AP2B1: variants seen among roughly 807,000 people sequenced by gnomAD.
The protein encoded by AP2B1 is adaptor related protein complex 2 subunit beta 1, also known as AP-2 complex subunit beta.
In AP2B1, 23 loss-of-function variants were observed where a neutral mutation model predicts 102.0. The ratio of observed to expected loss-of-function variants is 0.23; its 90% CI spans 0.16 to 0.32. The LOEUF (loss-of-function observed/expected upper bound fraction) is 0.32. Among genes scored for constraint, AP2B1 ranks in the 10% least tolerant of loss-of-function variants. The probability of loss-of-function intolerance (pLI) is 1.00; values close to 1 mark genes in which losing one functional copy is unlikely to be tolerated. For missense variants in AP2B1, 541 were observed against 1,157.4 expected, an observed-to-expected ratio of 0.47 and a Z score of 7.73; for synonymous variants, 381 against 421.2, an observed-to-expected ratio of 0.90 and a Z score of 1.17.
At position 35,723,636 on chromosome 17, in the gene AP2B1, G is replaced by A; in HGVS notation, c.2793G>A (p.Lys931=). Residue 931 remains lysine, a synonymous_variant, in exon 22 of 22, where the codon AAG becomes AAA. Coordinates refer to ENST00000610402, the MANE Select transcript of AP2B1 (RefSeq NM_001030006.2). ...PGNPNYTLSL[K]CRAPEVSQYI... is the part of the protein sequence containing the mutation. ...TTTTCTCCTAACAGCTGTCACTGAAGTGTAGAGCTCCTGAAGTCTCTCAAT... is the reference window on the plus strand; with the variant it reads ...TTTTCTCCTAACAGCTGTCACTGAAATGTAGAGCTCCTGAAGTCTCTCAAT... The A allele has an allele frequency of 1.9e-6, 3 of 1,611,758 alleles. No homozygotes were observed. The highest frequency in any genetic ancestry group is 2.5e-6 in the Non-Finnish European group (3 of 1,177,854).
chr17:35,649,272 A>T (rs967876661), intron 12 of AP2B1, among the ~76,000 whole-genome samples: 6 of 151,844 alleles, frequency 4.0e-5, no homozygotes, highest in African/African-American at 9.7e-5. Context: ...AGTTAAAAAA[A>T]ATTTCTTTTT....
rs1198392127 is a variant in AP2B1 at position 35,710,335 on chromosome 17, C to G, written c.2626+15C>G. 9 of 1,532,190 alleles carry G rather than the reference C, an allele frequency of 5.9e-6. No individual in the cohort carries two copies. Among genetic ancestry groups the G allele is most frequent in the South Asian group, 1.1e-5 (1 of 87,472 alleles). The allele number at this position is 1,532,190 out of a possible 1,614,324, so 94.9% of individuals were successfully genotyped here. On this transcript the variant is annotated intron_variant, in intron 20 of 21. Transcript: ENST00000610402. ...TTTAAATGCTGGTGAGTAATATACT[C>G]TAAATTTCAGTTTCATCTTAGTAAA...
chr17:35,611,160 A>C (rs2073851183), intron 5 of AP2B1, among the ~76,000 whole-genome samples: 2 of 152,182 alleles, frequency 1.3e-5, no homozygotes. Flanking sequence ...TGTTTTTGGC[A>C]TTGCTTTTGA....
intron 14 of AP2B1, chr17:35,659,884 A>T: frequency 1.0e-6 from 1 of 985,364 alleles, no homozygotes; most frequent in South Asian, 4.7e-5. Flanking sequence ...TATGTGGTTA[A>T]ATATATATTC....
In AP2B1 at chr17:35,725,953, T is replaced by A. The variant is rs993104276; in HGVS notation, c.*2254T>A. The A allele has an allele frequency of 6.6e-6, 1 of 152,062 alleles. No homozygotes were observed. Among genetic ancestry groups the A allele is most frequent in the Non-Finnish European group, 1.5e-5 (1 of 68,032 alleles). The allele number at this position is 152,062 out of a possible 1,614,324, so 9.4% of individuals were successfully genotyped here. ...CACTCCTTGGGGAAGCCACCTCCCA[T>A]CACACCCCTGAGCAGAGTTAGGGAG... On this transcript the variant is annotated 3_prime_UTR_variant, in exon 22 of 22. Coordinates refer to ENST00000610402, the MANE Select transcript of AP2B1 (RefSeq NM_001030006.2).
chr17:35,614,312 G>A (rs528486062), intron 5 of AP2B1, among the ~76,000 whole-genome samples: 1 of 152,158 alleles, frequency 6.6e-6, no homozygotes, highest in South Asian at 2.1e-4. Flanking sequence ...GTCTTCCCGA[G>A]CAACTGGAAC....
chr17:35,691,231 C>T (rs910031430), intron 18 of AP2B1, among the ~76,000 whole-genome samples: 1 of 152,130 alleles, frequency 6.6e-6, no homozygotes, highest in Non-Finnish European at 1.5e-5. Flanking sequence ...GTCTTAAGAT[C>T]ATTGTCAGCC....
intron 18 of AP2B1, among the ~76,000 whole-genome samples, chr17:35,704,688 G>A (rs587760707): frequency 6.2e-4 from 95 of 152,208 alleles, no homozygotes; most frequent in African/African-American, 2.2e-3. Context: ...GGTTAAATAG[G>A]TATTTTCCAG....
chr17:35,721,391 A>C (rs587645577), intron 21 of AP2B1, among the ~76,000 whole-genome samples: 9 of 152,328 alleles, frequency 5.9e-5, no homozygotes, highest in African/African-American at 1.9e-4. Flanking sequence ...AAGACATGTC[A>C]CATAAGGAAT....
rs766678127 is a variant in AP2B1 at position 35,608,108 on chromosome 17, T to C, written c.280-34T>C. The C allele has an allele frequency of 1.2e-5, 19 of 1,610,232 alleles. No individual in the cohort carries two copies. In the South Asian group the frequency reaches 2.0e-4, roughly 17 times the overall value. ...GGACTGTTTACTTTTAGCCACCATG[T>C]ATACCTACAGTTGTTGGTGATTGTT... On this transcript the variant is annotated intron_variant, in intron 4 of 21. Coordinates refer to ENST00000610402, the MANE Select transcript of AP2B1 (RefSeq NM_001030006.2).
intron 5 of AP2B1, among the ~76,000 whole-genome samples, chr17:35,620,055 G>A (rs2074130560): frequency 6.6e-6 from 1 of 152,000 alleles, no homozygotes; most frequent in African/African-American, 2.4e-5. Context: ...CAAAGTGCTG[G>A]GATTACAGGC....
chr17:35,675,547 G>C (rs1346991578), intron 17 of AP2B1, among the ~76,000 whole-genome samples: 1 of 152,162 alleles, frequency 6.6e-6, no homozygotes, highest in African/African-American at 2.4e-5. Context: ...TAAATAAATA[G>C]GCCAAGGCTA....
intron 7 of AP2B1, 23 bp downstream of exon 7, chr17:35,626,865 A>G: frequency 6.2e-7 from 1 of 1,601,034 alleles, no homozygotes; most frequent in East Asian, 2.2e-5. Context: ...CGAAGTGTTG[A>G]TTAAAGTGTT....
intron 5 of AP2B1, among the ~76,000 whole-genome samples, chr17:35,621,837 C>T (rs982704660): frequency 6.6e-6 from 1 of 152,096 alleles, no homozygotes; most frequent in Non-Finnish European, 1.5e-5. Flanking sequence ...GTCTATATTT[C>T]CTATTACTAG....
chr17:35,628,426 G>T (rs1201968414), intron 9 of AP2B1, among the ~76,000 whole-genome samples: 1 of 152,120 alleles, frequency 6.6e-6, no homozygotes, highest in East Asian at 1.9e-4. Flanking sequence ...ACATAGTAAG[G>T]CTCTGTTTCT....
At chr17:35,652,089 A>G (rs1385306556) in intron 13 of AP2B1, among the ~76,000 whole-genome samples, 1 of 152,196 alleles carries the variant, frequency 6.6e-6, no homozygotes, top group Non-Finnish European at 1.5e-5. Context: ...GAGAGAACCA[A>G]CATTTAAACT....
At chr17:35,621,072 G>T (rs906491234) in intron 5 of AP2B1, among the ~76,000 whole-genome samples, 3 of 152,118 alleles carry the variant, frequency 2.0e-5, no homozygotes, top group African/African-American at 7.2e-5. Context: ...TGATATTATT[G>T]TCTAGAGAAG....
chr17:35,700,421 T>C (rs1398478287), intron 18 of AP2B1, among the ~76,000 whole-genome samples: 2 of 151,840 alleles, frequency 1.3e-5, no homozygotes, highest in Non-Finnish European at 2.9e-5. Context: ...TTCCAAAAGC[T>C]AAAAGGAGAA....
chr17:35,649,265 T>A lies in AP2B1; in HGVS notation c.1537-1265T>A, dbSNP rs543260329. ...TAAGCCTGCTAATATTTAAAGCAGT[T>A]AAAAAAAATTTCTTTTTTTTGGAAC... On this transcript the variant is annotated intron_variant, in intron 12 of 21. Transcript: ENST00000610402. 4.7e-4 allele frequency among the ~76,000 whole-genome samples: 72 copies of A among 152,006 alleles called. 2 individuals carry two copies. The South Asian group carries it at 0.013, about 27-fold the overall frequency.
Sources: allele counts gnomAD v4.1 joint callset (sites outside exome capture counted in the v4.1 genomes callset), GRCh38; gene constraint gnomAD v4.1.1; transcripts MANE v1.5; gene names NCBI Gene and HGNC (gene_info 2026-07-23, HGNC 2026-07-21).